ABHD17C: variants seen among roughly 807,000 people sequenced by gnomAD.
ABHD17C encodes alpha/beta hydrolase domain-containing protein 17C.
ABHD17C carries 11 observed loss-of-function variants against 27.9 expected under a neutral mutation model. The observed-to-expected ratio is 0.39, with a 90% confidence interval of 0.25 to 0.65. The LOEUF (loss-of-function observed/expected upper bound fraction) is 0.65, where lower values mean the gene tolerates loss of function less well. Ranked by LOEUF, ABHD17C falls within the 30% of genes least tolerant of loss-of-function variation. The pLI is 0.45. For synonymous variants in ABHD17C, 233 were observed against 209.1 expected, an observed-to-expected ratio of 1.11 and a Z score of -0.98; for missense variants, 280 against 470.2, an observed-to-expected ratio of 0.60 and a Z score of 3.74.
chr15:80,707,569 C>CT (rs397693749), intron 1 of ABHD17C, among the ~76,000 whole-genome samples: 2 of 151,142 alleles, frequency 1.3e-5, no homozygotes, highest in Non-Finnish European at 2.9e-5. Context: ...TGAGCCCCCC[C>CT]TCAAAAAAAA....
At chr15:80,728,841 G>A (rs60567504) in intron 1 of ABHD17C, among the ~76,000 whole-genome samples, 33,206 of 152,074 alleles carry the variant, frequency 0.22, 4,119 homozygotes, top group South Asian at 0.3. Context: ...GAACTCCTTC[G>A]TTCAAGGGAT....
intron 1 of ABHD17C, among the ~76,000 whole-genome samples, chr15:80,743,723 T>C (rs1406533815): frequency 1.3e-5 from 2 of 152,106 alleles, no homozygotes; most frequent in East Asian, 1.9e-4. Flanking sequence ...GCAGGGACGC[T>C]ACTAGGCGCA....
At chr15:80,705,250 C>A (rs947737752) in intron 1 of ABHD17C, 2 of 151,470 alleles carry the variant, frequency 1.3e-5, no homozygotes, top group Admixed American at 6.6e-5. Flanking sequence ...GATTCTGGCT[C>A]TTATGTCAGA....
intron 1 of ABHD17C, among the ~76,000 whole-genome samples, chr15:80,741,500 G>GT (rs60325235): frequency 0.031 from 4,601 of 146,140 alleles, 269 homozygotes; most frequent in African/African-American, 0.11. Context: ...AATTAGCACA[G>GT]TTTTTTTTTC....
At chr15:80,697,500 G>T (rs1894510711) in intron 1 of ABHD17C, among the ~76,000 whole-genome samples, 1 of 152,174 alleles carries the variant, frequency 6.6e-6, no homozygotes, top group South Asian at 2.1e-4. Flanking sequence ...AGTTTCCATA[G>T]AACATTGCTT....
chr15:80,752,729 C>T (rs563849359), intron 2 of ABHD17C, among the ~76,000 whole-genome samples: 3 of 152,188 alleles, frequency 2.0e-5, no homozygotes, highest in Non-Finnish European at 2.9e-5. Context: ...ACAAGAGGCT[C>T]TTTGGCAGGA....
chr15:80,714,295 A>T (rs756065668), intron 1 of ABHD17C, among the ~76,000 whole-genome samples: 4 of 152,186 alleles, frequency 2.6e-5, no homozygotes, highest in African/African-American at 4.8e-5. Flanking sequence ...ATTAGATTGT[A>T]GTTCTGGTGT....
At chr15:80,745,981 G>A (rs1161398109) in intron 1 of ABHD17C, among the ~76,000 whole-genome samples, 1 of 151,878 alleles carries the variant, frequency 6.6e-6, no homozygotes, top group African/African-American at 2.4e-5. Flanking sequence ...TAGGTTCCTG[G>A]GTATGTGCTA....
intron 2 of ABHD17C, 148 bp downstream of exon 2, chr15:80,749,840 A>G (rs1360017285): frequency 1.1e-6 from 1 of 935,982 alleles, no homozygotes; most frequent in Admixed American, 2.5e-5. Context: ...GGGAGCAAAT[A>G]TGACACACAC....
intron 1 of ABHD17C, among the ~76,000 whole-genome samples, chr15:80,711,815 C>G (rs1212285816): frequency 6.6e-6 from 1 of 152,228 alleles, no homozygotes; most frequent in African/African-American, 2.4e-5. Context: ...TGCTAAAGAA[C>G]TGCAAAGCTA....
At chr15:80,749,391 A>G in intron 1 of ABHD17C, 122 bp from the exon 2 acceptor site, 1 of 975,202 alleles carries the variant, frequency 1.0e-6, no homozygotes, top group South Asian at 1.7e-5. Flanking sequence ...TGTACAAGTT[A>G]GATGATATGG....
intron 1 of ABHD17C, 49 bp from the exon 2 acceptor site, chr15:80,749,464 C>A (rs762068312): frequency 7.6e-6 from 12 of 1,582,988 alleles, no homozygotes; most frequent in Non-Finnish European, 3.4e-6. Flanking sequence ...GTCCCTTTCT[C>A]TCTTTCTTCA....
At chr15:80,713,933 C>CACAT (rs1451588740) in intron 1 of ABHD17C, among the ~76,000 whole-genome samples, 1 of 149,494 alleles carries the variant, frequency 6.7e-6, no homozygotes, top group Non-Finnish European at 1.5e-5. Context: ...CACACACACA[C>CACAT]ACACACATAT....
chr15:80,732,094 C>G (rs1273771314), intron 1 of ABHD17C, among the ~76,000 whole-genome samples: 1 of 152,154 alleles, frequency 6.6e-6, no homozygotes, highest in African/African-American at 2.4e-5. Flanking sequence ...ATTGCTTTTC[C>G]CTGTGAGCTA....
At chr15:80,705,769 T>A (rs2141491879) in intron 1 of ABHD17C, among the ~76,000 whole-genome samples, 1 of 152,248 alleles carries the variant, frequency 6.6e-6, no homozygotes, top group Non-Finnish European at 1.5e-5. Context: ...AAGGGGGAAG[T>A]CTCTTTGGAA....
intron 1 of ABHD17C, among the ~76,000 whole-genome samples, chr15:80,698,518 T>C (rs1041121018): frequency 6.6e-6 from 1 of 152,226 alleles, no homozygotes; most frequent in Non-Finnish European, 1.5e-5. Context: ...ACTACCAGTT[T>C]AGTACTCTTG....
At chr15:80,713,123 A>G (rs528643554) in intron 1 of ABHD17C, among the ~76,000 whole-genome samples, 22 of 151,644 alleles carry the variant, frequency 1.5e-4, no homozygotes, top group Admixed American at 4.6e-4. Context: ...ATGCATTGGA[A>G]TGTACAAATC....
intron 1 of ABHD17C, among the ~76,000 whole-genome samples, chr15:80,731,568 G>C (rs982337802): frequency 2.0e-5 from 3 of 149,950 alleles, no homozygotes; most frequent in Non-Finnish European, 4.4e-5. Context: ...GATAGATCAC[G>C]AGTAGAATGT....
chr15:80,696,627 G>A (rs1438861803), intron 1 of ABHD17C, among the ~76,000 whole-genome samples: 1 of 152,144 alleles, frequency 6.6e-6, no homozygotes, highest in Admixed American at 6.6e-5. Flanking sequence ...GTAGCTGTGG[G>A]CCTGGCACCT....
Sources: allele counts gnomAD v4.1 joint callset (sites outside exome capture counted in the v4.1 genomes callset), GRCh38; gene constraint gnomAD v4.1.1; transcripts MANE v1.5; gene names NCBI Gene and HGNC (gene_info 2026-07-23, HGNC 2026-07-21).